RNLS: variants seen among roughly 807,000 people sequenced by gnomAD.
RNLS encodes the protein renalase.
In RNLS, 39 loss-of-function variants were observed where a neutral mutation model predicts 39.8. That is an observed-to-expected ratio of 0.98 (90% CI 0.76 to 1.28). The LOEUF is 1.28. RNLS is among the 50% of genes most tolerant of loss of function. The pLI is 0.00. For synonymous variants in RNLS, 147 were observed against 150.7 expected (o/e 0.98, Z 0.18); for missense variants, 410 against 413.3 (o/e 0.99, Z 0.07).
chr10:88,267,658 A>G, the RNLS span, among the ~76,000 whole-genome samples: 3 of 152,182 alleles, frequency 2.0e-5, no homozygotes, highest in African/African-American at 2.4e-5. Flanking sequence ...ACATACTTTA[A>G]GTCTAACCAG....
chr10:88,519,236 T>C (rs1408551231), intron 4 of RNLS, among the ~76,000 whole-genome samples: 1 of 151,968 alleles, frequency 6.6e-6, no homozygotes, highest in African/African-American at 2.4e-5. Context: ...CCCCAAATTA[T>C]AAGCATCTTC....
chr10:88,580,898 T>A (rs1850495820), intron 3 of RNLS, among the ~76,000 whole-genome samples: 1 of 152,188 alleles, frequency 6.6e-6, no homozygotes. Flanking sequence ...TCTTTAAGAT[T>A]AATACACAGC....
In RNLS at chr10:88,462,934, T is replaced by C. The variant is rs143514574; in HGVS notation, c.527-100209A>G. Among the ~76,000 whole-genome samples, 847 of 152,178 alleles carry C rather than the reference T, an allele frequency of 5.6e-3. 5 individuals are homozygous for C. The highest frequency in any genetic ancestry group is 0.019 in the African/African-American group (802 of 41,556). On this transcript the variant is annotated intron_variant, in intron 4 of 6. Coordinates refer to ENST00000331772, the MANE Select transcript of RNLS (RefSeq NM_001031709.3). ...CTCCAGGTAGTGTGGTCTTGAATTA[T>C]AGGGACTTTATTTAAAAGTACATGA...
intron 4 of RNLS, among the ~76,000 whole-genome samples, chr10:88,373,356 T>A (rs773767361): frequency 6.6e-6 from 1 of 152,182 alleles, no homozygotes; most frequent in Non-Finnish European, 1.5e-5. Flanking sequence ...ATGTTCATTT[T>A]GTACTTTGCA....
chr10:88,508,629 G>A (rs745954264), intron 4 of RNLS, among the ~76,000 whole-genome samples: 2 of 152,044 alleles, frequency 1.3e-5, no homozygotes, highest in Admixed American at 6.6e-5. Context: ...TCACATTACT[G>A]GTGCCAATGT....
the RNLS span, among the ~76,000 whole-genome samples, chr10:88,182,236 G>A: frequency 1.3e-5 from 2 of 152,106 alleles, no homozygotes; most frequent in East Asian, 3.9e-4. Flanking sequence ...GGCAGCTAAT[G>A]TAGATGAAGG....
chr10:88,342,336 T>C (rs575314882), intron 5 of RNLS, among the ~76,000 whole-genome samples: 1 of 152,232 alleles, frequency 6.6e-6, no homozygotes, highest in Non-Finnish European at 1.5e-5. Context: ...ATTTCAAGTA[T>C]AGAACTTTTA....
chr10:88,220,404 C>T, the RNLS span, among the ~76,000 whole-genome samples: 3 of 152,150 alleles, frequency 2.0e-5, no homozygotes, highest in African/African-American at 4.8e-5. Flanking sequence ...CCTGGCACTT[C>T]GGTCTCATGC....
chr10:88,445,554 G>A (rs192014001), intron 4 of RNLS, among the ~76,000 whole-genome samples: 51 of 152,312 alleles, frequency 3.3e-4, no homozygotes, highest in African/African-American at 1.1e-3. Context: ...TCAGTGTGCT[G>A]TATTCAGGAG....
At chr10:88,218,091 T>G in the RNLS span, among the ~76,000 whole-genome samples, 1 of 152,176 alleles carries the variant, frequency 6.6e-6, no homozygotes, top group Non-Finnish European at 1.5e-5. Context: ...TTTTCTGGTT[T>G]CTTGCTCTGT....
the RNLS span, among the ~76,000 whole-genome samples, chr10:88,210,491 G>A: frequency 6.6e-6 from 1 of 152,182 alleles, no homozygotes; most frequent in African/African-American, 2.4e-5. Flanking sequence ...ATTCAGAGAC[G>A]ACTCATGGCA....
At chr10:88,282,365 C>T (rs1308550675), downstream of RNLS, among the ~76,000 whole-genome samples, 1 of 151,958 alleles carries the variant, frequency 6.6e-6, no homozygotes, top group African/African-American at 2.4e-5. Context: ...AATAACATTA[C>T]GTGACCCTGG....
chr10:88,344,014 C>T (rs1848141170), intron 5 of RNLS, among the ~76,000 whole-genome samples: 1 of 152,084 alleles, frequency 6.6e-6, no homozygotes, highest in Admixed American at 6.6e-5. Context: ...ATGCAGCCAC[C>T]CCTTATTATA....
intron 6 of RNLS, among the ~76,000 whole-genome samples, chr10:88,294,401 C>G (rs553696212): frequency 1.3e-5 from 2 of 152,014 alleles, no homozygotes; most frequent in East Asian, 3.9e-4. Context: ...GAATAAAGTT[C>G]CATAATATAA....
At chr10:88,346,832 T>C (rs764860374) in intron 5 of RNLS, among the ~76,000 whole-genome samples, 2 of 152,178 alleles carry the variant, frequency 1.3e-5, no homozygotes, top group African/African-American at 2.4e-5. Flanking sequence ...GATTGTGGCA[T>C]GTATTCCCAC....
At chr10:88,403,217 T>C (rs1457262642) in intron 4 of RNLS, among the ~76,000 whole-genome samples, 2 of 152,054 alleles carry the variant, frequency 1.3e-5, no homozygotes, top group Admixed American at 6.6e-5. Context: ...GACATATCAG[T>C]TAATTACTTA....
chr10:88,369,932 C>T (rs12264161), intron 4 of RNLS, among the ~76,000 whole-genome samples: 29,602 of 152,096 alleles, frequency 0.19, 2,982 homozygotes, highest in Middle Eastern at 0.25. Context: ...ATGATCCACC[C>T]GCCTTGGCCT....
intron 5 of RNLS, among the ~76,000 whole-genome samples, chr10:88,354,947 G>A (rs186090734): frequency 5.9e-5 from 9 of 151,864 alleles, no homozygotes; most frequent in East Asian, 3.9e-4. Context: ...TTCTCTTCTC[G>A]CTTCATTTCA....
the RNLS span, among the ~76,000 whole-genome samples, chr10:88,223,968 T>TGGAG: frequency 2.0e-5 from 3 of 151,580 alleles, no homozygotes; most frequent in Non-Finnish European, 4.4e-5. Flanking sequence ...GTATAAATCC[T>TGGAG]TGAGTGAGGA....
Sources: allele counts gnomAD v4.1 joint callset (sites outside exome capture counted in the v4.1 genomes callset), GRCh38; gene constraint gnomAD v4.1.1; transcripts MANE v1.5; gene names NCBI Gene and HGNC (gene_info 2026-07-23, HGNC 2026-07-21).